SCPEP1: variants seen among roughly 807,000 people sequenced by gnomAD.
The protein encoded by SCPEP1 is serine carboxypeptidase 1, also known as retinoid-inducible serine carboxypeptidase.
A neutral mutation model predicts 63.8 loss-of-function variants in SCPEP1; 51 were observed. The observed-to-expected ratio is 0.80, with a 90% CI of 0.64 to 1.01. SCPEP1 has a LOEUF of 1.01. Ranked by LOEUF, SCPEP1 falls within the 50% of genes least tolerant of loss-of-function variation. The pLI is 0.00. For synonymous variants in SCPEP1, 204 were observed against 207.8 expected (o/e 0.98, Z 0.16); for missense variants, 499 against 554.9 (o/e 0.90, Z 1.01).
At chr17:56,987,900 C>G in intron 4 of SCPEP1, 50 bp downstream of exon 4, 1 of 1,592,884 alleles carries the variant, frequency 6.3e-7, no homozygotes, top group East Asian at 2.2e-5. Flanking sequence ...AATATCAACT[C>G]TACATCCATC....
chr17:56,980,571 C>T (rs562329036), intron 1 of SCPEP1, among the ~76,000 whole-genome samples: 1 of 152,160 alleles, frequency 6.6e-6, no homozygotes, highest in Non-Finnish European at 1.5e-5. Context: ...GGCAGATCAC[C>T]TGAGGTCAGG....
chr17:56,986,128 C>G (rs1005354777), intron 3 of SCPEP1, among the ~76,000 whole-genome samples: 16 of 152,218 alleles, frequency 1.1e-4, no homozygotes, highest in African/African-American at 3.4e-4. Context: ...TGCTCCCACT[C>G]TCCCGGCTGC....
rs369379137 is a variant in SCPEP1 at position 57,004,565 on chromosome 17, G to A, written c.1297-1608G>A. Among the ~76,000 whole-genome samples the A allele has an allele frequency of 2.3e-3, 350 of 152,250 alleles. 1 individual carries two copies. Among genetic ancestry groups the A allele is most frequent in the African/African-American group, 7.6e-3 (315 of 41,544 alleles). ...GATGTTTGGAACCAGAAATGTTTCA[G>A]ATTTTTAATTTTTTTTTTATTTTGG... is the stretch of plus-strand genomic sequence containing the variant. On this transcript the variant is annotated intron_variant, in intron 12 of 12. Coordinates refer to ENST00000262288, the MANE Select transcript of SCPEP1 (RefSeq NM_021626.3).
Position 57,006,408 on chromosome 17 carries a change from A to T in SCPEP1, c.*173A>T, listed in dbSNP as rs1227013522. The stretch of plus-strand genomic sequence containing the variant: ...TCATTGTCTCTGGAGGCAATTTGGA[A>T]ATTATTTCTGCTTCTTAAAAAAACC... On this transcript the variant is annotated 3_prime_UTR_variant, in exon 13 of 13. Coordinates refer to ENST00000262288, the MANE Select transcript of SCPEP1 (RefSeq NM_021626.3). 3 of 422,774 alleles carry T rather than the reference A, an allele frequency of 7.1e-6. No homozygotes were observed. The highest frequency in any genetic ancestry group is 1.3e-5 in the Non-Finnish European group (3 of 235,544). 26.2% of individuals were successfully genotyped at this position (422,774 alleles called of 1,614,324 possible). A position where few individuals can be genotyped will look rare whatever the true frequency, so the allele number is the denominator to read the frequency against.
intron 10 of SCPEP1, among the ~76,000 whole-genome samples, chr17:56,998,926 C>T (rs1189327138): frequency 1.3e-5 from 2 of 151,988 alleles, no homozygotes; most frequent in African/African-American, 4.8e-5. Flanking sequence ...TGCTCTCCAG[C>T]CTGGGCAGCA....
At chr17:57,001,064 A>T in intron 11 of SCPEP1, 72 bp downstream of exon 11, 1 of 1,523,664 alleles carries the variant, frequency 6.6e-7, no homozygotes, top group Non-Finnish European at 9.1e-7. Context: ...GGCCTTGGAC[A>T]TGTCAGTCTT....
rs543165747 is a variant in SCPEP1 at position 56,995,400 on chromosome 17, C to T, written c.658-107C>T. ...ACAATACACTTTGATATGTGAGCTCCCGTTCTCCTTCCTTCCCCTCTTTCT... is the reference window on the plus strand; with the variant it reads ...ACAATACACTTTGATATGTGAGCTCTCGTTCTCCTTCCTTCCCCTCTTTCT... On this transcript the variant is annotated intron_variant, in intron 7 of 12. Transcript: ENST00000262288. 4.3e-5 allele frequency: 52 copies of T among 1,197,190 alleles called. No homozygotes were observed. In the Middle Eastern group the frequency reaches 1.7e-3, roughly 39 times the overall value. 74.2% of individuals were successfully genotyped at this position (1,197,190 alleles called of 1,614,324 possible).
intron 2 of SCPEP1, 99 bp downstream of exon 2, chr17:56,981,329 G>A (rs1911062512): frequency 6.9e-6 from 9 of 1,295,378 alleles, no homozygotes; most frequent in African/African-American, 4.4e-5. Context: ...GTGAAGGGCG[G>A]ATTTGGTCCA....
At chr17:57,004,430 G>A (rs1158002139) in intron 12 of SCPEP1, among the ~76,000 whole-genome samples, 1 of 152,050 alleles carries the variant, frequency 6.6e-6, no homozygotes, top group Non-Finnish European at 1.5e-5. Flanking sequence ...AGAGGGAGAG[G>A]GCATTATTTA....
At position 56,981,066 on chromosome 17, in the gene SCPEP1, T is replaced by C; in HGVS notation, c.77-16T>C. 1 of 1,614,098 alleles carries C rather than the reference T, an allele frequency of 6.2e-7. No individual in the cohort carries two copies. The highest frequency in any genetic ancestry group is 8.5e-7 in the Non-Finnish European group (1 of 1,179,976). The stretch of plus-strand genomic sequence containing the variant: ...TAGGCACTCTTCTGGAGAGTGAAAT[T>C]GAACTTCTGTTTCAGGAGCTGTCAT... On this transcript the variant is annotated splice_polypyrimidine_tract_variant and intron_variant, in intron 1 of 12. Coordinates refer to ENST00000262288, the MANE Select transcript of SCPEP1 (RefSeq NM_021626.3).
chr17:56,988,096 A>G, intron 4 of SCPEP1, 120 bp from the exon 5 acceptor site: 1 of 825,042 alleles, frequency 1.2e-6, no homozygotes, highest in Non-Finnish European at 1.9e-6. Context: ...GTGGTGGGGG[A>G]GGAAGACAAA....
At chr17:56,987,628 A>G in intron 3 of SCPEP1, 67 bp from the exon 4 acceptor site, 1 of 1,531,438 alleles carries the variant, frequency 6.5e-7, no homozygotes, top group Non-Finnish European at 8.9e-7. Context: ...CTAGTAGAAA[A>G]TGATCCAAAG....
Position 56,994,975 on chromosome 17 carries a change from C to G in SCPEP1, c.620-6C>G. 1 of 1,612,140 alleles carries G rather than the reference C, an allele frequency of 6.2e-7. No individual in the cohort carries two copies. The highest frequency in any genetic ancestry group is 1.1e-5 in the South Asian group (1 of 91,040). ...ACTTGATTTGTACATATGTGATTTC[C>G]TTTAGATTCGGTGCTCTCCTGGGGA... On this transcript the variant is annotated splice_region_variant and splice_polypyrimidine_tract_variant and intron_variant, in intron 6 of 12. Coordinates refer to ENST00000262288, the MANE Select transcript of SCPEP1 (RefSeq NM_021626.3).
intron 2 of SCPEP1, 110 bp downstream of exon 2, chr17:56,981,340 G>T: frequency 8.3e-7 from 1 of 1,203,768 alleles, no homozygotes; most frequent in Non-Finnish European, 1.2e-6. Flanking sequence ...ATTTGGTCCA[G>T]CAGTGTGACC....
chr17:56,983,477 T>G (rs183641995), intron 2 of SCPEP1: 1 of 152,380 alleles, frequency 6.6e-6, no homozygotes, highest in East Asian at 1.9e-4. Context: ...TATTTTTCAA[T>G]GTTGCCACAT....
At chr17:56,987,435 C>T (rs896399854) in intron 3 of SCPEP1, 1 of 371,624 alleles carries the variant, frequency 2.7e-6, no homozygotes, top group Non-Finnish European at 4.8e-6. Flanking sequence ...ATTTGATCCC[C>T]GTGTGTGTTA....
At chr17:56,987,467 CTTT>C (rs34593566) in intron 3 of SCPEP1, 1,691 of 269,760 alleles carry the variant, frequency 6.3e-3, no homozygotes, top group South Asian at 9.3e-3. Flanking sequence ...CTGCCTCTCC[CTTT>C]TTTTTTTTTT....
chr17:56,992,683 T>C (rs1911436560), intron 6 of SCPEP1, among the ~76,000 whole-genome samples: 1 of 152,200 alleles, frequency 6.6e-6, no homozygotes, highest in Admixed American at 6.5e-5. Flanking sequence ...ATGGATGCTA[T>C]CATTATCCTA....
intron 3 of SCPEP1, 37 bp downstream of exon 3, chr17:56,985,504 G>C (rs772162728): frequency 1.3e-6 from 2 of 1,539,886 alleles, no homozygotes; most frequent in South Asian, 2.2e-5. Flanking sequence ...ACCTTGCCCC[G>C]TGGCCTCTCA....
Sources: gnomAD v4.1 joint callset for allele counts (sites outside exome capture counted in the v4.1 genomes callset) on GRCh38, gnomAD v4.1.1 for gene constraint, MANE v1.5 for transcripts, NCBI Gene and HGNC (gene_info 2026-07-23, HGNC 2026-07-21) for gene names.